Variants in ADD1 observed in about 807,000 individuals in gnomAD.
The protein encoded by ADD1 is adducin 1, also known as alpha-adducin.
Under a neutral mutation model 80.5 loss-of-function variants are expected in ADD1, and 24 were observed. That is an observed-to-expected ratio of 0.30 (90% CI 0.22 to 0.42). The LOEUF (loss-of-function observed/expected upper bound fraction) is 0.42. Among genes scored for constraint, ADD1 ranks in the 10% least tolerant of loss-of-function variants. The pLI is 1.00. For missense variants in ADD1, 948 were observed against 1,019.0 expected (o/e 0.93, Z 0.95); for synonymous variants, 373 against 393.8 (o/e 0.95, Z 0.63).
At chr4:2,922,118 T>C (rs1217251091) in intron 14 of ADD1, among the ~76,000 whole-genome samples, 2 of 152,120 alleles carry the variant, frequency 1.3e-5, no homozygotes, top group Non-Finnish European at 2.9e-5. Flanking sequence ...ATTACCCACC[T>C]TCTGAAGTCT....
intron 1 of ADD1, among the ~76,000 whole-genome samples, chr4:2,874,326 G>C (rs1032938105): frequency 3.9e-5 from 6 of 152,170 alleles, no homozygotes; most frequent in Non-Finnish European, 5.9e-5. Flanking sequence ...CGAAGTAGTG[G>C]CTGGGGGCGG....
At chr4:2,845,025 T>C (rs924194846) in intron 1 of ADD1, among the ~76,000 whole-genome samples, 13 of 151,858 alleles carry the variant, frequency 8.6e-5, no homozygotes, top group African/African-American at 3.1e-4. Context: ...GTGAATTGTA[T>C]GAAAGTGAGT....
intron 4 of ADD1, among the ~76,000 whole-genome samples, chr4:2,893,135 A>C (rs1734591260): frequency 6.6e-6 from 1 of 151,622 alleles, no homozygotes; most frequent in Non-Finnish European, 1.5e-5. Flanking sequence ...TGCCATGTTG[A>C]CCAGGCTGGT....
At chr4:2,870,354 G>A (rs1730237290) in intron 1 of ADD1, among the ~76,000 whole-genome samples, 1 of 152,248 alleles carries the variant, frequency 6.6e-6, no homozygotes, top group African/African-American at 2.4e-5. Context: ...ACTAGGTAGA[G>A]TGGTGTTTTC....
At chr4:2,899,572 A>C in intron 9 of ADD1, 137 bp downstream of exon 9, 2 of 930,176 alleles carry the variant, frequency 2.2e-6, no homozygotes, top group South Asian at 2.8e-5. Context: ...AAGAAGCACT[A>C]GGGTTGTTTA....
chr4:2,875,228 C>T (rs1054950919), intron 1 of ADD1, among the ~76,000 whole-genome samples: 1 of 151,614 alleles, frequency 6.6e-6, no homozygotes, highest in African/African-American at 2.4e-5. Flanking sequence ...GACCCTGTTC[C>T]CCTCCCCCCG....
rs552082446 is a variant in ADD1, at chr4:2,899,335, G to C, written c.1061G>C (p.Arg354Pro). 1 of 1,614,188 alleles carries C rather than the reference G, an allele frequency of 6.2e-7. No homozygotes were observed. Among genetic ancestry groups the C allele is most frequent in the South Asian group, 1.1e-5 (1 of 91,082 alleles). The change falls in exon 9 of 16, where the codon CGT (arginine) becomes CCT (proline). Residue 354 changes from arginine (R) to proline (P), a missense_variant. Physicochemically the swap from Arg to Pro is moderately radical, Grantham distance 103. Coordinates refer to ENST00000683351, the MANE Select transcript of ADD1 (RefSeq NM_001354761.2). ...CCTGAGAAGTACAAAGCCAAGTCCC[G>C]TTCCCCAGGGTCTCCGGTAGGGGAA... is the stretch of plus-strand genomic sequence containing the variant. ...LNPEKYKAKS[R>P]SPGSPVGEGT...
intron 2 of ADD1, 200 bp downstream of exon 2, chr4:2,876,310 CGTAAA>C (rs1322367019): frequency 2.2e-6 from 1 of 464,348 alleles, no homozygotes; most frequent in Non-Finnish European, 3.7e-6. Context: ...TCTTCAGTGT[CGTAAA>C]GGATAGGAAG....
chr4:2,877,179 A>C (rs1021190742), intron 2 of ADD1, among the ~76,000 whole-genome samples: 1 of 151,892 alleles, frequency 6.6e-6, no homozygotes, highest in African/African-American at 2.4e-5. Flanking sequence ...TAGTTTTCTC[A>C]TGTTGCTGCT....
At chr4:2,887,182 T>A (rs780251240) in intron 4 of ADD1, among the ~76,000 whole-genome samples, 7 of 152,214 alleles carry the variant, frequency 4.6e-5, no homozygotes, top group African/African-American at 7.2e-5. Context: ...CTAGAGAATC[T>A]TTAAGGAAGA....
At chr4:2,909,930 CT>C (rs753347502) in intron 13 of ADD1, among the ~76,000 whole-genome samples, 1 of 144,214 alleles carries the variant, frequency 6.9e-6, no homozygotes, top group African/African-American at 2.6e-5. Context: ...TTCAGACAGT[CT>C]TTGTCAGCCC....
chr4:2,847,206 T>A (rs1359318881), intron 1 of ADD1, among the ~76,000 whole-genome samples: 3 of 152,034 alleles, frequency 2.0e-5, no homozygotes, highest in Non-Finnish European at 1.5e-5. Flanking sequence ...GTGGATCGCC[T>A]GAGGTCAGGA....
At chr4:2,847,369 T>C (rs1001868719) in intron 1 of ADD1, among the ~76,000 whole-genome samples, 2 of 151,282 alleles carry the variant, frequency 1.3e-5, no homozygotes, top group African/African-American at 2.4e-5. Flanking sequence ...CGCAGTGCCA[T>C]TGCACTCCAT....
chr4:2,911,449 T>TATATATATA (rs1553848841), intron 13 of ADD1, among the ~76,000 whole-genome samples: 1 of 92,588 alleles, frequency 1.1e-5, no homozygotes, highest in Non-Finnish European at 2.4e-5. Flanking sequence ...TATATATATA[T>TATATATATA]TTTTTTTTTT....
intron 1 of ADD1, among the ~76,000 whole-genome samples, chr4:2,854,111 C>G (rs890701029): frequency 5.9e-5 from 9 of 152,086 alleles, no homozygotes; most frequent in African/African-American, 9.7e-5. Context: ...CACCTGAGAT[C>G]AGGAGTTTGA....
chr4:2,849,345 C>G (rs924969895), intron 1 of ADD1, among the ~76,000 whole-genome samples: 6 of 152,138 alleles, frequency 3.9e-5, no homozygotes, highest in Non-Finnish European at 8.8e-5. Flanking sequence ...TACAATTGAT[C>G]TGAGCAATAT....
intron 2 of ADD1, among the ~76,000 whole-genome samples, chr4:2,881,273 T>G (rs1732283515): frequency 6.6e-6 from 1 of 151,980 alleles, no homozygotes; most frequent in Admixed American, 6.6e-5. Flanking sequence ...GAGATGGGGT[T>G]TCACCATGTT....
chr4:2,922,608 C>T (rs925300783), intron 14 of ADD1, among the ~76,000 whole-genome samples: 1 of 152,216 alleles, frequency 6.6e-6, no homozygotes, highest in Non-Finnish European at 1.5e-5. Context: ...AGTCAGGAGG[C>T]ACAGGGGTCA....
intron 13 of ADD1, among the ~76,000 whole-genome samples, chr4:2,914,182 C>T (rs972819579): frequency 6.6e-6 from 1 of 152,224 alleles, no homozygotes; most frequent in Non-Finnish European, 1.5e-5. Flanking sequence ...GGACCGCACC[C>T]CCTGATGCCC....
Sources: allele counts gnomAD v4.1 joint callset (sites outside exome capture counted in the v4.1 genomes callset), GRCh38; gene constraint gnomAD v4.1.1; transcripts MANE v1.5; gene names NCBI Gene and HGNC (gene_info 2026-07-23, HGNC 2026-07-21).